Variants in CLSTN2 observed in about 807,000 individuals in gnomAD.
CLSTN2 encodes calsyntenin-2.
A neutral mutation model predicts 101.2 loss-of-function variants in CLSTN2; 48 were observed. The ratio of observed to expected loss-of-function variants is 0.47; its 90% CI spans 0.38 to 0.60. CLSTN2 has a LOEUF of 0.60. Among genes scored for constraint, CLSTN2 ranks in the 20% least tolerant of loss-of-function variants. The probability of loss-of-function intolerance (pLI) is 0.00; values close to 1 mark genes in which losing one functional copy is unlikely to be tolerated. For missense variants in CLSTN2, 1,160 were observed against 1,238.2 expected (o/e 0.94, Z 0.95); for synonymous variants, 481 against 463.6 (o/e 1.04, Z -0.48).
intron 8 of CLSTN2, among the ~76,000 whole-genome samples, chr3:140,527,588 A>T (rs1010322782): frequency 6.6e-6 from 1 of 152,180 alleles, no homozygotes; most frequent in Non-Finnish European, 1.5e-5. Flanking sequence ...GAAGAAAATA[A>T]ATTGTTTTAC....
At chr3:139,982,490 G>C in intron 1 of CLSTN2, among the ~76,000 whole-genome samples, 1 of 152,228 alleles carries the variant, frequency 6.6e-6, no homozygotes, top group East Asian at 1.9e-4. Flanking sequence ...GCAAATGCTA[G>C]AAAGTTTTCA....
chr3:140,510,174 GTC>G (rs1934779773), intron 8 of CLSTN2, among the ~76,000 whole-genome samples: 1 of 152,190 alleles, frequency 6.6e-6, no homozygotes, highest in Non-Finnish European at 1.5e-5. Context: ...TCAAAGTACA[GTC>G]TCTACTGAAT....
chr3:140,142,298 T>C (rs2009713983), intron 1 of CLSTN2, among the ~76,000 whole-genome samples: 1 of 152,124 alleles, frequency 6.6e-6, no homozygotes, highest in Non-Finnish European at 1.5e-5. Flanking sequence ...AAACAAGGGA[T>C]GTCCAAGGGA....
chr3:140,520,907 C>T (rs1935010050), intron 8 of CLSTN2, among the ~76,000 whole-genome samples: 1 of 152,134 alleles, frequency 6.6e-6, no homozygotes, highest in African/African-American at 2.4e-5. Flanking sequence ...AAATAGTCTT[C>T]AAGCATTGAG....
chr3:140,220,157 T>C (rs1391124996), intron 2 of CLSTN2, among the ~76,000 whole-genome samples: 1 of 152,218 alleles, frequency 6.6e-6, no homozygotes. Context: ...AATCAAATGC[T>C]TTCAGTCTCA....
At chr3:140,379,692 T>C (rs1194041591) in intron 2 of CLSTN2, among the ~76,000 whole-genome samples, 1 of 152,204 alleles carries the variant, frequency 6.6e-6, no homozygotes, top group East Asian at 1.9e-4. Context: ...CATTTTGTCA[T>C]TGGGTACAGG....
At chr3:140,105,464 C>T (rs914400049) in intron 1 of CLSTN2, among the ~76,000 whole-genome samples, 1 of 152,340 alleles carries the variant, frequency 6.6e-6, no homozygotes, top group Admixed American at 6.5e-5. Flanking sequence ...TCTGTTCCCT[C>T]TCTCCCAAGC....
intron 1 of CLSTN2, among the ~76,000 whole-genome samples, chr3:139,976,480 A>T (rs1398733354): frequency 6.6e-6 from 1 of 152,206 alleles, no homozygotes; most frequent in Non-Finnish European, 1.5e-5. Context: ...CAGTGCACGG[A>T]TGAGGGAAAC....
intron 8 of CLSTN2, among the ~76,000 whole-genome samples, chr3:140,523,494 A>ATATT (rs1297955701): frequency 9.2e-5 from 14 of 152,124 alleles, no homozygotes; most frequent in African/African-American, 3.1e-4. Context: ...TGTTAATGTT[A>ATATT]TATTATATCC....
chr3:139,991,457 C>G (rs1259103516), intron 1 of CLSTN2, among the ~76,000 whole-genome samples: 5 of 152,152 alleles, frequency 3.3e-5, no homozygotes, highest in African/African-American at 1.2e-4. Flanking sequence ...CTCCTTATAG[C>G]AGTTCCCGAG....
intron 8 of CLSTN2, chr3:140,505,557 A>G (rs1013785201): frequency 1.9e-4 from 29 of 152,182 alleles, no homozygotes; most frequent in African/African-American, 7.0e-4. Context: ...ATGTGGAAAC[A>G]CTTACCCAAT....
At chr3:140,355,264 C>T (rs1032216164) in intron 2 of CLSTN2, among the ~76,000 whole-genome samples, 1 of 152,308 alleles carries the variant, frequency 6.6e-6, no homozygotes, top group South Asian at 2.1e-4. Flanking sequence ...AAACTTCACT[C>T]CACTGGTAGT....
intron 2 of CLSTN2, among the ~76,000 whole-genome samples, chr3:140,218,689 T>A (rs746285547): frequency 1.2e-4 from 18 of 152,208 alleles, no homozygotes; most frequent in Non-Finnish European, 2.2e-4. Flanking sequence ...TCTCAGGAAC[T>A]TTCTCCTCAA....
chr3:140,187,858 A>G (rs889474818), intron 2 of CLSTN2, among the ~76,000 whole-genome samples: 1 of 152,146 alleles, frequency 6.6e-6, no homozygotes, highest in Non-Finnish European at 1.5e-5. Context: ...GTGTAGTCAG[A>G]CAGCAGGGGA....
chr3:140,445,620 T>A (rs1326249998), intron 5 of CLSTN2, among the ~76,000 whole-genome samples: 3 of 152,078 alleles, frequency 2.0e-5, no homozygotes, highest in Non-Finnish European at 4.4e-5. Context: ...TGATTCTATA[T>A]AGAGAAGGGA....
intron 8 of CLSTN2, among the ~76,000 whole-genome samples, chr3:140,485,910 G>A (rs1288723445): frequency 6.6e-6 from 1 of 151,792 alleles, no homozygotes; most frequent in Non-Finnish European, 1.5e-5. Flanking sequence ...CGCTTCCCAG[G>A]TGAGGCGATG....
At chr3:140,559,298 A>G (rs1021433543) in intron 12 of CLSTN2, among the ~76,000 whole-genome samples, 5 of 152,232 alleles carry the variant, frequency 3.3e-5, no homozygotes, top group Admixed American at 2.0e-4. Context: ...AAAATGTTCT[A>G]TAGTGGGCAT....
intron 1 of CLSTN2, among the ~76,000 whole-genome samples, chr3:139,959,928 A>T (rs1935477452): frequency 6.6e-6 from 1 of 151,936 alleles, no homozygotes; most frequent in East Asian, 1.9e-4. Flanking sequence ...CCCACCCCCT[A>T]CCAGCTTATT....
At chr3:140,306,013 A>G (rs1222279890) in intron 2 of CLSTN2, among the ~76,000 whole-genome samples, 1 of 152,176 alleles carries the variant, frequency 6.6e-6, no homozygotes, top group African/African-American at 2.4e-5. Context: ...GACCATGGAT[A>G]CTATAGTCAT....
Sources: gnomAD v4.1 joint callset for allele counts (sites outside exome capture counted in the v4.1 genomes callset) on GRCh38, gnomAD v4.1.1 for gene constraint, MANE v1.5 for transcripts, NCBI Gene and HGNC (gene_info 2026-07-23, HGNC 2026-07-21) for gene names.